TDP1: variants seen among roughly 807,000 people sequenced by gnomAD.
The protein encoded by TDP1 is tyrosyl-DNA phosphodiesterase 1.
Under a neutral mutation model 81.5 loss-of-function variants are expected in TDP1, and 64 were observed. The observed-to-expected ratio is 0.79, with a 90% CI of 0.64 to 0.97. The LOEUF (loss-of-function observed/expected upper bound fraction) is 0.97, where lower values mean the gene tolerates loss of function less well. Ranked by LOEUF, TDP1 falls within the 50% of genes least tolerant of loss-of-function variation. The probability of loss-of-function intolerance (pLI) is 0.00; values close to 1 mark genes in which losing one functional copy is unlikely to be tolerated. For missense variants in TDP1, 723 were observed against 743.8 expected (o/e 0.97, Z 0.33); for synonymous variants, 256 against 264.3 (o/e 0.97, Z 0.30).
At position 90,040,954 on chromosome 14, in the gene TDP1, G is replaced by A. The variant is rs532686307; in HGVS notation, c.1754-2116G>A. 2.6e-5 allele frequency among the ~76,000 whole-genome samples: 4 copies of A among 152,328 alleles called. No homozygotes were observed. In the East Asian group the frequency reaches 5.8e-4, roughly 22 times the overall value. On this transcript the variant is annotated intron_variant, in intron 16 of 16. Coordinates refer to ENST00000335725, the MANE Select transcript of TDP1 (RefSeq NM_018319.4). ...CTACAGGGAATTTGCCAACAGAGTG[G>A]TTACCAGGTCCTTGCTTGGTCATTT...
At chr14:90,007,005 C>T (rs891802233) in intron 14 of TDP1, among the ~76,000 whole-genome samples, 1 of 152,108 alleles carries the variant, frequency 6.6e-6, no homozygotes, top group Non-Finnish European at 1.5e-5. Flanking sequence ...CTTTATTATT[C>T]ACCAATATTT....
intron 15 of TDP1, 129 bp from the exon 16 acceptor site, chr14:90,032,977 A>G: frequency 8.6e-7 from 1 of 1,161,794 alleles, no homozygotes; most frequent in South Asian, 1.4e-5. Context: ...AACATTGAAA[A>G]TACCTCCAAA....
At chr14:89,983,250 G>A in intron 8 of TDP1, 2 of 422,944 alleles carry the variant, frequency 4.7e-6, no homozygotes, top group South Asian at 3.4e-5. Context: ...CAAAGGCCCA[G>A]AGAGATCACA....
chr14:90,006,688 G>A (rs765937701), intron 14 of TDP1, among the ~76,000 whole-genome samples: 6 of 151,912 alleles, frequency 3.9e-5, no homozygotes, highest in Non-Finnish European at 8.8e-5. Flanking sequence ...AGGTGCCCGC[G>A]ACCAAGCCTG....
rs1891667346 is a variant in TDP1 at position 89,956,563 on chromosome 14, ACCCATTCTCC to A, written c.-230-14_-230-5del. ...AGCCCTCTCACTTCCTTTGTCTTCA[ACCCATTCTCC>A]GCAGAGTTGGAGCACACAGCTGTAT... On this transcript the variant is annotated splice_polypyrimidine_tract_variant and splice_region_variant and intron_variant, in intron 1 of 16. Transcript: ENST00000335725. 1 of 152,246 alleles carries A rather than the reference ACCCATTCTCC, an allele frequency of 6.6e-6. No individual in the cohort carries two copies. Among genetic ancestry groups the A allele is most frequent in the Non-Finnish European group, 1.5e-5 (1 of 68,136 alleles). 9.4% of individuals were successfully genotyped at this position (152,246 alleles called of 1,614,324 possible).
At position 89,983,117 on chromosome 14, in the gene TDP1, T is replaced by C. The variant is rs75191799; in HGVS notation, c.885-1399T>C. 4,222 of 456,036 alleles carry C rather than the reference T, an allele frequency of 9.3e-3. 165 individuals are homozygous for C. Among genetic ancestry groups the C allele is most frequent in the African/African-American group, 0.074 (3,723 of 50,166 alleles). The allele number at this position is 456,036 out of a possible 1,614,324, so 28.2% of individuals were successfully genotyped here. Reference sequence around the variant, plus strand: ...ATTTGTCTTGTTTCTCATCCAGAACTCACCTGTGAGTGAATCTCTGATCCA... The same window carrying C: ...ATTTGTCTTGTTTCTCATCCAGAACCCACCTGTGAGTGAATCTCTGATCCA... On this transcript the variant is annotated intron_variant, in intron 8 of 16. Coordinates refer to ENST00000335725, the MANE Select transcript of TDP1 (RefSeq NM_018319.4).
At chr14:89,973,832 G>A (rs1893937210) in intron 6 of TDP1, among the ~76,000 whole-genome samples, 1 of 152,112 alleles carries the variant, frequency 6.6e-6, no homozygotes, top group South Asian at 2.1e-4. Context: ...GGGAATTCAG[G>A]ATCAAGGTGC....
At chr14:89,980,167 C>T in intron 7 of TDP1, 1 of 985,398 alleles carries the variant, frequency 1.0e-6, no homozygotes, top group Admixed American at 6.1e-5. Flanking sequence ...AGCCATGATG[C>T]AGCAAGAGGT....
intron 10 of TDP1, among the ~76,000 whole-genome samples, chr14:89,985,480 C>T (rs576203139): frequency 1.3e-5 from 2 of 152,234 alleles, no homozygotes; most frequent in East Asian, 1.9e-4. Flanking sequence ...CCTATTCATA[C>T]ACATACTGTA....
chr14:90,003,104 A>G (rs910443571), intron 14 of TDP1, among the ~76,000 whole-genome samples: 12 of 151,798 alleles, frequency 7.9e-5, no homozygotes, highest in Non-Finnish European at 1.3e-4. Flanking sequence ...TGCCCAGCTA[A>G]TTTTTGTATT....
At chr14:89,989,883 A>G (rs141477145) in intron 12 of TDP1, 118 bp downstream of exon 12, 1 of 797,220 alleles carries the variant, frequency 1.3e-6, no homozygotes, top group Non-Finnish European at 2.2e-6. Flanking sequence ...CTATATAAGG[A>G]TCATGAAAAT....
chr14:89,969,636 G>A (rs933110820), intron 5 of TDP1, among the ~76,000 whole-genome samples: 2 of 152,030 alleles, frequency 1.3e-5, no homozygotes, highest in Non-Finnish European at 1.5e-5. Flanking sequence ...TCACAGGTGC[G>A]TGTTTCATAG....
In TDP1 at chr14:89,963,217, T is replaced by A. The variant is rs1892540609; in HGVS notation, c.103T>A (p.Cys35Ser). The A allele has an allele frequency of 6.2e-7, 1 of 1,614,198 alleles. No individual in the cohort carries two copies. The highest frequency in any genetic ancestry group is 8.5e-7 in the Non-Finnish European group (1 of 1,180,026). Residue 35 changes from cysteine to serine, a missense_variant, in exon 3 of 17, where the codon TGT (cysteine) becomes AGT (serine). Transcript: ENST00000335725. ...PDKPSTSSLL[C>S]ARQGAANEPR... ...CAAGCCATCTACCTCTTCTCTTCTC[T>A]GTGCCAGGCAAGGAGCAGCAAATGA...
chr14:90,005,552 A>G (rs1897601229), intron 14 of TDP1, among the ~76,000 whole-genome samples: 1 of 152,210 alleles, frequency 6.6e-6, no homozygotes, highest in South Asian at 2.1e-4. Context: ...TTGCACCTAG[A>G]TTATTTCATT....
chr14:90,016,350 C>T (rs943294138), intron 14 of TDP1, among the ~76,000 whole-genome samples: 1 of 152,160 alleles, frequency 6.6e-6, no homozygotes, highest in Non-Finnish European at 1.5e-5. Context: ...GCCGAGACAG[C>T]AGCCATTTTT....
intron 4 of TDP1, among the ~76,000 whole-genome samples, chr14:89,966,547 G>A (rs34458659): frequency 0.1 from 15,380 of 152,192 alleles, 2,043 homozygotes; most frequent in African/African-American, 0.31. Flanking sequence ...TGGATAGAGT[G>A]GTGAAGGCCA....
At position 89,971,099 on chromosome 14, in the gene TDP1, G is replaced by T. The variant is rs956634945; in HGVS notation, c.660-76G>T. 4 of 1,316,468 alleles carry T rather than the reference G, an allele frequency of 3.0e-6. No homozygotes were observed. The African/African-American group carries it at 4.4e-5, about 14-fold the overall frequency. The allele number at this position is 1,316,468 out of a possible 1,614,324, so 81.5% of individuals were successfully genotyped here. Reference sequence around the variant, plus strand: ...AGTCCACCTGCCTCGGCCTCCCAAGGTGCCGGGATTACAGGTGTGAGCCAC... The same window carrying T: ...AGTCCACCTGCCTCGGCCTCCCAAGTTGCCGGGATTACAGGTGTGAGCCAC... On this transcript the variant is annotated intron_variant, in intron 5 of 16. Coordinates refer to ENST00000335725, the MANE Select transcript of TDP1 (RefSeq NM_018319.4).
rs1896235237 is a variant in TDP1, at chr14:89,992,002, C to T, written c.1433+19C>T. ...ATTTTCAGTAAGTAATTGGTTTAGA[C>T]TGCTGCTATTGCTTCTTTAGGAATT... On this transcript the variant is annotated intron_variant, in intron 13 of 16. Transcript: ENST00000335725. 6.2e-7 allele frequency: 1 copy of T among 1,603,772 alleles called. No individual in the cohort carries two copies. Among genetic ancestry groups the T allele is most frequent in the Non-Finnish European group, 8.5e-7 (1 of 1,172,252 alleles).
chr14:90,018,067 C>T (rs1885523195), intron 14 of TDP1, among the ~76,000 whole-genome samples: 1 of 140,030 alleles, frequency 7.1e-6, no homozygotes, highest in South Asian at 2.2e-4. Flanking sequence ...GAACCCTTAA[C>T]AAACTTTTTT....
Sources: allele counts gnomAD v4.1 joint callset (sites outside exome capture counted in the v4.1 genomes callset), GRCh38; gene constraint gnomAD v4.1.1; transcripts MANE v1.5; gene names NCBI Gene and HGNC (gene_info 2026-07-23, HGNC 2026-07-21).